The following ZIC5 variants were observed in gnomAD, a reference collection of about 807,000 sequenced individuals.
ZIC5 encodes the protein zinc finger protein ZIC 5.
In ZIC5, 20 loss-of-function variants were observed where a neutral mutation model predicts 28.5. The ratio of observed to expected loss-of-function variants is 0.70; its 90% CI spans 0.49 to 1.02. ZIC5 has a LOEUF of 1.02. ZIC5 is among the 50% of genes least tolerant of loss of function. The pLI is 0.00. For missense variants in ZIC5, 951 were observed against 899.7 expected, an observed-to-expected ratio of 1.06 and a Z score of -0.73; for synonymous variants, 488 against 410.4, an observed-to-expected ratio of 1.19 and a Z score of -2.29.
intron 1 of ZIC5, among the ~76,000 whole-genome samples, chr13:99,969,108 G>C (rs757462490): frequency 1.3e-5 from 2 of 152,232 alleles, no homozygotes; most frequent in African/African-American, 4.8e-5. Flanking sequence ...CGACGCGCTG[G>C]TCCGCTCAAA....
intron 1 of ZIC5, among the ~76,000 whole-genome samples, chr13:99,966,775 CA>C (rs2053103589): frequency 6.6e-6 from 1 of 152,156 alleles, no homozygotes; most frequent in Non-Finnish European, 1.5e-5. Context: ...CCTTTAAACA[CA>C]AGGCCTCTAG....
rs1223324219 is a variant in ZIC5 at position 99,965,749 on chromosome 13, T to C, written c.1548A>G (p.Lys516=). The C allele has an allele frequency of 2.5e-6, 4 of 1,614,030 alleles. No homozygotes were observed. The South Asian group carries it at 3.3e-5, about 13-fold the overall frequency. ...TGTCACTGGTGTGGACATGGGAATG[T>C]TTCTTCCGATCACTGCTATTGGCAA... is the stretch of plus-strand genomic sequence containing the variant. ...RKFANSSDRK[K]HSHVHTSDKP... is the part of the protein sequence containing the mutation. The change falls in exon 2 of 2, where the codon AAA becomes AAG. Residue 516 remains lysine, a synonymous_variant. Coordinates refer to ENST00000267294, the MANE Select transcript of ZIC5 (RefSeq NM_033132.5).
chr13:99,971,535 G>C lies in ZIC5; in HGVS notation c.69C>G (p.Val23=). 6.4e-7 allele frequency: 1 copy of C among 1,552,132 alleles called. No individual in the cohort carries two copies. The highest frequency in any genetic ancestry group is 1.4e-5 in the African/African-American group (1 of 73,230). ...LRLADLATAQ[V]QPLQNMTGFP... ...AGCCTGTCATATTCTGAAGCGGCTG[G>C]ACCTGAGCCGTTGCCAAATCCGCTA... Residue 23 remains valine, a synonymous_variant, in exon 1 of 2, where the codon GTC becomes GTG. Transcript: ENST00000267294.
chr13:99,970,188 G>A lies in ZIC5; in HGVS notation c.1416C>T (p.Pro472=), dbSNP rs1328353865. The change falls in exon 1 of 2, where the codon CCC becomes CCT. Residue 472 remains proline (P), a synonymous_variant. Coordinates refer to ENST00000267294, the MANE Select transcript of ZIC5 (RefSeq NM_033132.5). ...AGCGCGCGAAGACCTTGCCGCAGCCGGGGAAAGGGCAGGGAAAGGGCTTCT... is the reference window on the plus strand; with the variant it reads ...AGCGCGCGAAGACCTTGCCGCAGCCAGGGAAAGGGCAGGGAAAGGGCTTCT... The part of the protein sequence containing the change: ...TGEKPFPCPF[P]GCGKVFARSE... 1 of 1,613,030 alleles carries A rather than the reference G, an allele frequency of 6.2e-7. No individual in the cohort carries two copies. The highest frequency in any genetic ancestry group is 1.7e-5 in the Admixed American group (1 of 59,958).
rs2053150488 is a variant in ZIC5, at chr13:99,970,910, C to G, written c.694G>C (p.Gly232Arg). The change falls in exon 1 of 2, where the codon GGC (glycine) becomes CGC (arginine). Residue 232 changes from glycine to arginine, a missense_variant. Physicochemically the swap from Gly to Arg is moderately radical, Grantham distance 125 (BLOSUM62 -2). Around this residue, in one of 3 missense-constraint regions of ZIC5, gnomAD observed 784 missense variants for 660.1 expected, o/e 1.19. Transcript: ENST00000267294. ...TGCAGCGCGGGGAAGAGCGCCGGGC[C>G]GCCGCTGCCGTCCGGGCCCGCGTAG... ...GTYAGPDGSGGPALFPALHDT... is the reference protein window; with the variant it reads ...GTYAGPDGSGRPALFPALHDT... The G allele has an allele frequency of 7.4e-7, 1 of 1,357,804 alleles. No individual in the cohort carries two copies. Among genetic ancestry groups the G allele is most frequent in the Non-Finnish European group, 9.4e-7 (1 of 1,066,226 alleles). The allele number at this position is 1,357,804 out of a possible 1,614,324, so 84.1% of individuals were successfully genotyped here.
At position 99,970,413 on chromosome 13, in the gene ZIC5, T is replaced by TGGC. The variant is rs71114653; in HGVS notation, c.1188_1190dup (p.Pro400dup). ...GCTTGGCGCCGCCGGCCGGGGGCGG[T>TGGC]GGCGGCGGCGGCGGCGGCGGCGGCG... On this transcript the variant is annotated inframe_insertion, in exon 1 of 2. Coordinates refer to ENST00000267294, the MANE Select transcript of ZIC5 (RefSeq NM_033132.5). 55,675 of 1,106,136 alleles carry TGGC rather than the reference T, an allele frequency of 0.05. 993 individuals carry two copies. The highest frequency in any genetic ancestry group is 0.055 in the Non-Finnish European group (49,786 of 907,042). 68.5% of individuals were successfully genotyped at this position (1,106,136 alleles called of 1,614,324 possible).
chr13:99,966,881 C>G (rs547174290), intron 1 of ZIC5, among the ~76,000 whole-genome samples: 1 of 152,320 alleles, frequency 6.6e-6, no homozygotes, highest in Non-Finnish European at 1.5e-5. Context: ...CAGCAGGTAA[C>G]AGTCTAACTG....
chr13:99,970,324 C>T lies in ZIC5; in HGVS notation c.1280G>A (p.Gly427Glu). 2 of 1,612,172 alleles carry T rather than the reference C, an allele frequency of 1.2e-6. No individual in the cohort carries two copies. The highest frequency in any genetic ancestry group is 1.7e-6 in the Non-Finnish European group (2 of 1,179,544). ...LVNHVTVEHVGGPEQSSHVCF... is the reference protein window; with the variant it reads ...LVNHVTVEHVEGPEQSSHVCF... The stretch of plus-strand genomic sequence containing the variant: ...GACGTGGCTGCTCTGCTCGGGGCCT[C>T]CCACGTGCTCCACCGTGACGTGATT... The change falls in exon 1 of 2, where the codon GGA (glycine) becomes GAA (glutamate). Residue 427 changes from glycine to glutamate, a missense_variant. By Grantham distance (98) the Gly-to-Glu change is moderately conservative. Around this residue, in one of 3 missense-constraint regions of ZIC5, gnomAD observed 784 missense variants for 660.1 expected, o/e 1.19. Coordinates refer to ENST00000267294, the MANE Select transcript of ZIC5 (RefSeq NM_033132.5).
In ZIC5 at chr13:99,971,228, G is replaced by T; in HGVS notation, c.376C>A (p.Pro126Thr). The T allele has an allele frequency of 7.7e-7, 1 of 1,299,714 alleles. No individual in the cohort carries two copies. Among genetic ancestry groups the T allele is most frequent in the Non-Finnish European group, 9.7e-7 (1 of 1,030,708 alleles). The allele number at this position is 1,299,714 out of a possible 1,614,324, so 80.5% of individuals were successfully genotyped here. The change falls in exon 1 of 2, where the codon CCC (proline) becomes ACC (threonine). Residue 126 changes from proline (P) to threonine (T), a missense_variant. Pro to Thr is a conservative substitution (Grantham distance 38, BLOSUM62 -1). This residue lies in a region of ZIC5 where 784 missense variants were observed against 660.1 expected (regional missense o/e 1.19). Transcript: ENST00000267294. ...GGSSGAQPSA[P>T]PPPAPPLPPT... ...GGAAGAGGAGGGGCTGGGGGCGGGG[G>T]CGCGGAGGGCTGCGCGCCACTGCTG...
In ZIC5 at chr13:99,965,622, G is replaced by C; in HGVS notation, c.1675C>G (p.Pro559Ala). Residue 559 changes from proline (P) to alanine (A), a missense_variant, in exon 2 of 2, where the codon CCA becomes GCA. Pro to Ala is a conservative substitution (Grantham distance 27). Around this residue, in one of 3 missense-constraint regions of ZIC5, gnomAD observed 108 missense variants for 118.4 expected, o/e 0.91. Coordinates refer to ENST00000267294, the MANE Select transcript of ZIC5 (RefSeq NM_033132.5). ...KIHCKSPPPSPGPLGYSSVGT... is the reference protein window; with the variant it reads ...KIHCKSPPPSAGPLGYSSVGT... ...ACTGATGAGTAACCAAGGGGTCCTG[G>C]AGAAGGTGGCGGGGACTTGCAGTGA... 1 of 1,614,172 alleles carries C rather than the reference G, an allele frequency of 6.2e-7. No individual in the cohort carries two copies. The highest frequency in any genetic ancestry group is 1.1e-5 in the South Asian group (1 of 91,092).
Position 99,970,932 on chromosome 13 carries a change from G to T in ZIC5, c.672C>A (p.Tyr224Ter). The change falls in exon 1 of 2, where the codon TAC becomes TAA. Residue 224 changes from tyrosine to a stop codon, truncating the protein, a stop_gained. Coordinates refer to ENST00000267294, the MANE Select transcript of ZIC5 (RefSeq NM_033132.5). LOFTEE classifies it high-confidence loss of function. ...GGCCGCCGCTGCCGTCCGGGCCCGC[G>T]TAGGTGCCGCTGGCGGAGATGAACA... is the stretch of plus-strand genomic sequence containing the variant. ...AGMFISASGTYAGPDGSGGPA... is the reference protein window; with the variant it reads ...AGMFISASGT The T allele has an allele frequency of 7.9e-6, 11 of 1,388,216 alleles. No homozygotes were observed. The highest frequency in any genetic ancestry group is 9.2e-6 in the Non-Finnish European group (10 of 1,082,014). 86.0% of individuals were successfully genotyped at this position (1,388,216 alleles called of 1,614,324 possible).
At chr13:99,968,599 G>A (rs890540259) in intron 1 of ZIC5, among the ~76,000 whole-genome samples, 6 of 152,094 alleles carry the variant, frequency 3.9e-5, no homozygotes, top group Non-Finnish European at 8.8e-5. Flanking sequence ...CAGGCGGGAA[G>A]GGCCCTAGGC....
At chr13:99,969,923 C>T (rs1471743042) in intron 1 of ZIC5, among the ~76,000 whole-genome samples, 2 of 145,988 alleles carry the variant, frequency 1.4e-5, no homozygotes, top group East Asian at 2.0e-4. Context: ...TGTGTGCTAT[C>T]GAATTACTTA....
In ZIC5 at chr13:99,965,372, A is replaced by G; in HGVS notation, c.*5T>C. 1.2e-6 allele frequency: 2 copies of G among 1,609,000 alleles called. No individual in the cohort carries two copies. Among genetic ancestry groups the G allele is most frequent in the Non-Finnish European group, 1.7e-6 (2 of 1,178,162 alleles). On this transcript the variant is annotated 3_prime_UTR_variant, in exon 2 of 2. Transcript: ENST00000267294. ...TATTTCACTTATTATTATTAATAATAAATTCTAATGTATCGTCCGCACAAC... is the reference window on the plus strand; with the variant it reads ...TATTTCACTTATTATTATTAATAATGAATTCTAATGTATCGTCCGCACAAC...
chr13:99,970,372 A>T lies in ZIC5; in HGVS notation c.1232T>A (p.Phe411Tyr). The T allele has an allele frequency of 6.3e-7, 1 of 1,586,154 alleles. No homozygotes were observed. Among genetic ancestry groups the T allele is most frequent in the South Asian group, 1.1e-5 (1 of 89,670 alleles). ...AGGAKPCSKT[F>Y]GTMHELVNHV... ...ATTCACCAGCTCGTGCATGGTGCCGAAAGTTTTGGAGCAGGGCTTGGCGCC... is the reference window on the plus strand; with the variant it reads ...ATTCACCAGCTCGTGCATGGTGCCGTAAGTTTTGGAGCAGGGCTTGGCGCC... The change falls in exon 1 of 2, where the codon TTC becomes TAC. Residue 411 changes from phenylalanine to tyrosine, a missense_variant. By Grantham distance (22) the Phe-to-Tyr change is conservative. Coordinates refer to ENST00000267294, the MANE Select transcript of ZIC5 (RefSeq NM_033132.5).
rs1452027771 is a variant in ZIC5 at position 99,963,037 on chromosome 13, C to T, written c.*2340G>A. 2 of 152,168 alleles carry T rather than the reference C, an allele frequency of 1.3e-5. No homozygotes were observed. Among genetic ancestry groups the T allele is most frequent in the Admixed American group, 1.3e-4 (2 of 15,276 alleles). The allele number at this position is 152,168 out of a possible 1,614,324, so 9.4% of individuals were successfully genotyped here. A position where few individuals can be genotyped will look rare whatever the true frequency, so the allele number is the denominator to read the frequency against. ...AACATAAGCAATAATAACAAGAATA[C>T]CTTTATTAAATTTGTTACTTCATAA... On this transcript the variant is annotated 3_prime_UTR_variant, in exon 2 of 2. Coordinates refer to ENST00000267294, the MANE Select transcript of ZIC5 (RefSeq NM_033132.5).
chr13:99,967,405 G>A (rs1401117429), intron 1 of ZIC5, among the ~76,000 whole-genome samples: 11 of 152,224 alleles, frequency 7.2e-5, no homozygotes, highest in Admixed American at 7.2e-4. Context: ...CTCTGTAGAT[G>A]AGCTTTAACA....
chr13:99,968,801 G>C (rs1468787842), intron 1 of ZIC5, among the ~76,000 whole-genome samples: 1 of 152,284 alleles, frequency 6.6e-6, no homozygotes, highest in East Asian at 1.9e-4. Flanking sequence ...GACTGATCCC[G>C]ATTAGAGAGA....
chr13:99,970,326 C>T lies in ZIC5; in HGVS notation c.1278G>A (p.Val426=), dbSNP rs753220845. 5.0e-6 allele frequency: 8 copies of T among 1,611,996 alleles called. No individual in the cohort carries two copies. Among genetic ancestry groups the T allele is most frequent in the Non-Finnish European group, 5.9e-6 (7 of 1,179,448 alleles). ...ELVNHVTVEH[V]GGPEQSSHVC... is the part of the protein sequence containing the mutation. ...CGTGGCTGCTCTGCTCGGGGCCTCC[C>T]ACGTGCTCCACCGTGACGTGATTCA... Residue 426 remains valine, a synonymous_variant, in exon 1 of 2, where the codon GTG becomes GTA. Transcript: ENST00000267294.
Sources: gnomAD v4.1 joint callset for allele counts (sites outside exome capture counted in the v4.1 genomes callset) on GRCh38, gnomAD v4.1.1 for gene constraint, gnomAD v4.1.1 regional missense constraint, MANE v1.5 for transcripts, NCBI Gene and HGNC (gene_info 2026-07-23, HGNC 2026-07-21) for gene names.